RBCK1: variants seen among roughly 807,000 people sequenced by gnomAD.
The protein encoded by RBCK1 is RANBP2-type and C3HC4-type zinc finger containing 1.
In RBCK1, 44 loss-of-function variants were observed where a neutral mutation model predicts 71.1. That is an observed-to-expected ratio of 0.62 (90% CI 0.49 to 0.80). The LOEUF is 0.80. Among genes scored for constraint, RBCK1 ranks in the 30% least tolerant of loss-of-function variants. The pLI is 0.00. For synonymous variants in RBCK1, 306 were observed against 279.7 expected (o/e 1.09, Z -0.94); for missense variants, 569 against 685.0 (o/e 0.83, Z 1.89).
intron 8 of RBCK1, among the ~76,000 whole-genome samples, chr20:423,970 G>T (rs1398267315): frequency 6.6e-6 from 1 of 152,120 alleles, no homozygotes; most frequent in Non-Finnish European, 1.5e-5. Flanking sequence ...GCAGCCATGG[G>T]GAGCCCCAGT....
chr20:425,158 A>C lies in RBCK1; in HGVS notation c.1030-2155A>C, dbSNP rs58002794. Among the ~76,000 whole-genome samples the C allele has an allele frequency of 5.1e-3, 771 of 152,174 alleles. 13 individuals are homozygous for C. Among genetic ancestry groups the C allele is most frequent in the African/African-American group, 0.016 (666 of 41,514 alleles). ...CCCAAGTAGCTGGGACTAGAGGCGC[A>C]CACCGCCATGCCCAGCTAATTTTTG... is the stretch of plus-strand genomic sequence containing the variant. On this transcript the variant is annotated intron_variant, in intron 8 of 11. Transcript: ENST00000356286.
At chr20:419,222 G>A in intron 4 of RBCK1, 125 bp from the exon 5 acceptor site, 1 of 1,320,052 alleles carries the variant, frequency 7.6e-7, no homozygotes, top group East Asian at 2.4e-5. Flanking sequence ...GAAGCTGGAG[G>A]TACCCCCAGG....
intron 8 of RBCK1, among the ~76,000 whole-genome samples, chr20:426,816 CTTTTT>C (rs768525416): frequency 0.031 from 2,969 of 95,184 alleles, 31 homozygotes; most frequent in East Asian, 0.06. Context: ...TTTTCTTTTC[CTTTTT>C]TTTTTTTTTT....
rs1210820827 is a variant in RBCK1 at position 431,609 on chromosome 20, A to AT, written c.*1183dup. 2.0e-5 allele frequency among the ~76,000 whole-genome samples: 3 copies of AT among 152,060 alleles called. No homozygotes were observed. Among genetic ancestry groups the AT allele is most frequent in the African/African-American group, 4.8e-5 (2 of 41,394 alleles). ...GCGCCTCTGCTGCTGAAGGCCTGTG[A>AT]TTTTGTGGGGAAGGGCCTGTTCTAG... On this transcript the variant is annotated 3_prime_UTR_variant, in exon 12 of 12. Transcript: ENST00000356286. This position sits in a 1 kb window ranked among gnomAD's most constrained non-coding sequence, Gnocchi z 4.8.
rs865838456 is a variant in RBCK1, at chr20:422,689, G to A, written c.1029+451G>A. On this transcript the variant is annotated intron_variant, in intron 8 of 11. Coordinates refer to ENST00000356286, the MANE Select transcript of RBCK1 (RefSeq NM_031229.4). This position sits in a 1 kb window ranked among gnomAD's most constrained non-coding sequence, Gnocchi z 5.0. ...AAAATAGCCAGGCGCGGGGGCATGC[G>A]CCTGTAGTCCTAGCTACTTGGGTGG... Among the ~76,000 whole-genome samples the A allele has an allele frequency of 1.1e-4, 16 of 152,196 alleles. No homozygotes were observed. Among genetic ancestry groups the A allele is most frequent in the African/African-American group, 2.9e-4 (12 of 41,530 alleles).
In RBCK1 at chr20:431,109, A is replaced by AT. The variant is rs2016996953; in HGVS notation, c.*679_*680insT. ...TGGTAGAATGAGGCTGTGACTGAGC[A>AT]CTGGGACCTTTCTACCAGATGTGGA... On this transcript the variant is annotated 3_prime_UTR_variant, in exon 12 of 12. Transcript: ENST00000356286. The surrounding 1 kb of genome is among the most constrained non-coding windows in gnomAD (Gnocchi z 4.8). 1 of 152,330 alleles carries AT rather than the reference A, an allele frequency of 6.6e-6. No individual in the cohort carries two copies. The highest frequency in any genetic ancestry group is 2.4e-5 in the African/African-American group (1 of 41,428). 9.4% of individuals were successfully genotyped at this position (152,330 alleles called of 1,614,324 possible). A position where few individuals can be genotyped will look rare whatever the true frequency, so the allele number is the denominator to read the frequency against.
intron 2 of RBCK1, among the ~76,000 whole-genome samples, chr20:414,542 G>A (rs1411100791): frequency 6.6e-6 from 1 of 152,212 alleles, no homozygotes; most frequent in Non-Finnish European, 1.5e-5. Flanking sequence ...CAGCGATCCT[G>A]ATGTCACATT....
In RBCK1 at chr20:416,139, A is replaced by G. The variant is rs554616141; in HGVS notation, c.168-1387A>G. On this transcript the variant is annotated intron_variant, in intron 2 of 11. Transcript: ENST00000356286. ...ACTGGTAGTTAGAGATAAAGTTTCA[A>G]TTAGTCAGCAGTCACTTTTTTTTTT... Among the ~76,000 whole-genome samples, 177 of 150,476 alleles carry G rather than the reference A, an allele frequency of 1.2e-3. No homozygotes were observed. The Middle Eastern group carries it at 0.025, about 21-fold the overall frequency.
In RBCK1 at chr20:431,250, G is replaced by T. The variant is rs6051967; in HGVS notation, c.*820G>T. ...GATGGGCTTAGGGGCGGGAGGGGAA[G>T]TCTTGCCACTCCTGCTCCCTTTTGA... is the stretch of plus-strand genomic sequence containing the variant. On this transcript the variant is annotated 3_prime_UTR_variant, in exon 12 of 12. Coordinates refer to ENST00000356286, the MANE Select transcript of RBCK1 (RefSeq NM_031229.4). This position sits in a 1 kb window ranked among gnomAD's most constrained non-coding sequence, Gnocchi z 4.8. Among the ~76,000 whole-genome samples, 1 of 152,144 alleles carries T rather than the reference G, an allele frequency of 6.6e-6. No homozygotes were observed. The highest frequency in any genetic ancestry group is 1.5e-5 in the Non-Finnish European group (1 of 68,016).
chr20:408,511 G>C lies in RBCK1; in HGVS notation c.-247G>C. On this transcript the variant is annotated 5_prime_UTR_variant, in exon 1 of 12. Transcript: ENST00000356286. Reference sequence around the variant, plus strand: ...CTGGTCCCGTTTCCTCCTGCGCCCAGTGCGGACCTGTCTCGGCGCCCGCTG... The same window carrying C: ...CTGGTCCCGTTTCCTCCTGCGCCCACTGCGGACCTGTCTCGGCGCCCGCTG... 1 of 594,520 alleles carries C rather than the reference G, an allele frequency of 1.7e-6. No individual in the cohort carries two copies. Among genetic ancestry groups the C allele is most frequent in the Middle Eastern group, 4.4e-4 (1 of 2,262 alleles). 36.8% of individuals were successfully genotyped at this position (594,520 alleles called of 1,614,324 possible). A position where few individuals can be genotyped will look rare whatever the true frequency, so the allele number is the denominator to read the frequency against.
In RBCK1 at chr20:430,746, CCAAGCA is replaced by C; in HGVS notation, c.*318_*323del. 2.7e-6 allele frequency: 1 copy of C among 366,140 alleles called. No individual in the cohort carries two copies. The highest frequency in any genetic ancestry group is 5.5e-5 in the East Asian group (1 of 18,180). 22.7% of individuals were successfully genotyped at this position (366,140 alleles called of 1,614,324 possible). ...CACCACAACACTCATCTGTCAAACA[CCAAGCA>C]CTCTCAGCCTCCCCGCCTTCAGCTG... On this transcript the variant is annotated 3_prime_UTR_variant, in exon 12 of 12. Transcript: ENST00000356286. The surrounding 1 kb of genome is among the most constrained non-coding windows in gnomAD (Gnocchi z 5.6).
Position 430,666 on chromosome 20 carries a change from G to GC in RBCK1, c.*240dup. On this transcript the variant is annotated 3_prime_UTR_variant, in exon 12 of 12. Coordinates refer to ENST00000356286, the MANE Select transcript of RBCK1 (RefSeq NM_031229.4). This position sits in a 1 kb window ranked among gnomAD's most constrained non-coding sequence, Gnocchi z 5.6. ...CTGCCTGACCCCAGCCTTAAACATA[G>GC]CCCCTGGCCAGAGGCCTTGCTGGGT... The GC allele has an allele frequency of 1.8e-6, 1 of 568,402 alleles. No homozygotes were observed. The highest frequency in any genetic ancestry group is 2.0e-5 in the South Asian group (1 of 49,408). 35.2% of individuals were successfully genotyped at this position (568,402 alleles called of 1,614,324 possible). A position where few individuals can be genotyped will look rare whatever the true frequency, so the allele number is the denominator to read the frequency against.
chr20:414,605 T>A (rs977227190), intron 2 of RBCK1, among the ~76,000 whole-genome samples: 9 of 152,238 alleles, frequency 5.9e-5, no homozygotes, highest in African/African-American at 2.2e-4. Context: ...AGATTATAGC[T>A]TTAAAAAATT....
intron 8 of RBCK1, among the ~76,000 whole-genome samples, chr20:423,901 TCACCCA>T (rs1475993564): frequency 6.6e-6 from 1 of 152,140 alleles, no homozygotes; most frequent in Admixed American, 6.5e-5. Context: ...CTTCAATGTC[TCACCCA>T]CCAGCAGGCT....
chr20:412,836 G>A (rs1383085814), intron 2 of RBCK1, among the ~76,000 whole-genome samples: 1 of 152,060 alleles, frequency 6.6e-6, no homozygotes, highest in East Asian at 1.9e-4. Context: ...TTGTGCTTTT[G>A]GTGTCATATC....
In RBCK1 at chr20:418,983, CT is replaced by C. The variant is rs1386336689; in HGVS notation, c.461-356del. 3.9e-5 allele frequency among the ~76,000 whole-genome samples: 6 copies of C among 152,082 alleles called. No homozygotes were observed. In the South Asian group the frequency reaches 1.2e-3, roughly 32 times the overall value. On this transcript the variant is annotated intron_variant, in intron 4 of 11. Transcript: ENST00000356286. Reference sequence around the variant, plus strand: ...CCTTTCAAAGAGTCCAGGCCAGTTTCTTTTTTTTGGCGGGGGTTGGGGGCTG... The same window carrying C: ...CCTTTCAAAGAGTCCAGGCCAGTTTCTTTTTTTGGCGGGGGTTGGGGGCTG...
At chr20:429,719 A>T (rs1040930574) in intron 11 of RBCK1, among the ~76,000 whole-genome samples, 42 of 152,340 alleles carry the variant, frequency 2.8e-4, no homozygotes, top group African/African-American at 9.9e-4. Flanking sequence ...TGCCCGGCCC[A>T]AAATGACTGG....
chr20:418,656 C>T (rs765631019), intron 4 of RBCK1, among the ~76,000 whole-genome samples: 11 of 152,254 alleles, frequency 7.2e-5, no homozygotes, highest in South Asian at 2.1e-4. Context: ...GCGTGAGCCA[C>T]CACGCCCAAC....
chr20:429,226 A>AT (rs146561173), intron 11 of RBCK1, 132 bp downstream of exon 11: 80,565 of 996,358 alleles, frequency 0.081, 1 homozygote, highest in Non-Finnish European at 0.088. Flanking sequence ...CGAGGTAAGA[A>AT]TTTTTTTTTT....
Sources: gnomAD v4.1 joint callset for allele counts (sites outside exome capture counted in the v4.1 genomes callset) on GRCh38, gnomAD v4.1.1 for gene constraint, Gnocchi (gnomAD v3.1) non-coding constraint, MANE v1.5 for transcripts, NCBI Gene and HGNC (gene_info 2026-07-23, HGNC 2026-07-21) for gene names.